The following CACNA2D3 variants were observed in gnomAD, a reference collection of about 807,000 sequenced individuals.
The protein encoded by CACNA2D3 is voltage-dependent calcium channel subunit alpha-2/delta-3.
In CACNA2D3, 60 loss-of-function variants were observed where a neutral mutation model predicts 160.6. The observed-to-expected ratio is 0.37, with a 90% CI of 0.30 to 0.46. CACNA2D3 has a LOEUF of 0.46. Ranked by LOEUF, CACNA2D3 falls within the 20% of genes least tolerant of loss-of-function variation. The pLI, the probability that CACNA2D3 is intolerant of heterozygous loss-of-function variation, is 1.00. For missense variants in CACNA2D3, 1,205 were observed against 1,365.0 expected, an observed-to-expected ratio of 0.88 and a Z score of 1.85; for synonymous variants, 558 against 492.9, an observed-to-expected ratio of 1.13 and a Z score of -1.75.
intron 27 of CACNA2D3, among the ~76,000 whole-genome samples, chr3:54,902,660 C>T (rs574939470): frequency 2.9e-4 from 44 of 152,338 alleles, no homozygotes; most frequent in African/African-American, 9.6e-4. Flanking sequence ...TCATCCATTG[C>T]ATTGTTGTCA....
chr3:54,626,553 C>A (rs1004291965), intron 9 of CACNA2D3: 2 of 1,599,080 alleles, frequency 1.3e-6, no homozygotes, highest in Non-Finnish European at 1.7e-6. Context: ...TGATCGACCA[C>A]TACCTGGGCG....
intron 2 of CACNA2D3, among the ~76,000 whole-genome samples, chr3:54,166,062 C>T (rs1262051835): frequency 1.3e-5 from 2 of 152,170 alleles, no homozygotes; most frequent in East Asian, 1.9e-4. Flanking sequence ...GCCTGAAATA[C>T]TTGTTGCCCT....
Position 54,934,857 on chromosome 3 carries a change from G to C in CACNA2D3, c.2450-33593G>C, listed in dbSNP as rs914770802. ...AGTGATTCTCATGCCTCAGCCTCCC[G>C]AGTAGCTGGGATTACAGGCACACAC... is the stretch of plus-strand genomic sequence containing the variant. On this transcript the variant is annotated intron_variant, in intron 27 of 37. Coordinates refer to ENST00000474759, the MANE Select transcript of CACNA2D3 (RefSeq NM_018398.3). 5.3e-4 allele frequency among the ~76,000 whole-genome samples: 80 copies of C among 152,094 alleles called. 1 individual carries two copies. Among genetic ancestry groups the C allele is most frequent in the Admixed American group, 7.2e-4 (11 of 15,276 alleles).
chr3:54,159,277 T>C (rs996692695), intron 2 of CACNA2D3, among the ~76,000 whole-genome samples: 2 of 152,212 alleles, frequency 1.3e-5, no homozygotes, highest in Non-Finnish European at 2.9e-5. Context: ...TGGTCATTTT[T>C]TTTTTCCTTC....
intron 5 of CACNA2D3, among the ~76,000 whole-genome samples, chr3:54,546,672 C>T (rs901024004): frequency 1.3e-5 from 2 of 151,002 alleles, no homozygotes; most frequent in Admixed American, 6.6e-5. Flanking sequence ...AACTGCGTAT[C>T]ATGATTACAC....
chr3:54,143,356 A>G (rs1275472681), intron 2 of CACNA2D3, among the ~76,000 whole-genome samples: 1 of 152,232 alleles, frequency 6.6e-6, no homozygotes, highest in Non-Finnish European at 1.5e-5. Context: ...AGAAATAATA[A>G]CTATGATCAA....
chr3:54,276,848 C>A (rs538812183), intron 2 of CACNA2D3, among the ~76,000 whole-genome samples: 8 of 152,216 alleles, frequency 5.3e-5, no homozygotes, highest in Non-Finnish European at 1.0e-4. Context: ...TAGAGCTACA[C>A]CCTGAGGCAG....
chr3:54,531,456 G>C (rs1480261488), intron 5 of CACNA2D3, among the ~76,000 whole-genome samples: 3 of 152,156 alleles, frequency 2.0e-5, no homozygotes, highest in African/African-American at 7.2e-5. Flanking sequence ...ATCTCGTTTT[G>C]AGCTGCCTCT....
At chr3:54,439,558 G>T (rs1472011913) in intron 4 of CACNA2D3, among the ~76,000 whole-genome samples, 1 of 152,168 alleles carries the variant, frequency 6.6e-6, no homozygotes, top group African/African-American at 2.4e-5. Context: ...TTTGAGGCCA[G>T]TGCTGGCAGT....
chr3:54,830,222 C>T lies in CACNA2D3; in HGVS notation c.1399-6937C>T, dbSNP rs545375305. ...CCTCCCAAAGTGCTGGGATTACAGG[C>T]GTGAGCCACCACGCCCAGCCCAGAT... On this transcript the variant is annotated intron_variant, in intron 14 of 37. Transcript: ENST00000474759. Among the ~76,000 whole-genome samples, 10 of 152,154 alleles carry T rather than the reference C, an allele frequency of 6.6e-5. No individual in the cohort carries two copies. The South Asian group carries it at 1.2e-3, about 19-fold the overall frequency.
At chr3:54,808,967 C>T (rs1393877784) in intron 13 of CACNA2D3, among the ~76,000 whole-genome samples, 1 of 152,096 alleles carries the variant, frequency 6.6e-6, no homozygotes, top group African/African-American at 2.4e-5. Flanking sequence ...CTGTTATGGG[C>T]CAGTTGTTTT....
At chr3:54,679,245 C>T (rs1217952169) in intron 11 of CACNA2D3, among the ~76,000 whole-genome samples, 1 of 152,146 alleles carries the variant, frequency 6.6e-6, no homozygotes, top group Non-Finnish European at 1.5e-5. Flanking sequence ...GTAACAGCTG[C>T]AAAATAATTA....
intron 36 of CACNA2D3, 27 bp downstream of exon 36, chr3:55,073,584 A>C: frequency 6.4e-7 from 1 of 1,563,494 alleles, no homozygotes; most frequent in Non-Finnish European, 8.8e-7. Context: ...AGGTCCACTC[A>C]CTACCACGGA....
At chr3:54,536,044 T>A (rs1269365590) in intron 5 of CACNA2D3, among the ~76,000 whole-genome samples, 2 of 152,214 alleles carry the variant, frequency 1.3e-5, no homozygotes, top group Admixed American at 1.3e-4. Flanking sequence ...TAGACGTGAC[T>A]GTTAGTGGTT....
intron 2 of CACNA2D3, among the ~76,000 whole-genome samples, chr3:54,224,829 T>G (rs1201285943): frequency 6.6e-6 from 1 of 152,152 alleles, no homozygotes; most frequent in African/African-American, 2.4e-5. Context: ...ATGTTTCAGA[T>G]TTTCATAAGG....
chr3:54,279,434 A>T (rs1702820562), intron 2 of CACNA2D3, among the ~76,000 whole-genome samples: 1 of 152,132 alleles, frequency 6.6e-6, no homozygotes, highest in South Asian at 2.1e-4. Flanking sequence ...GATTTATTAA[A>T]TATTGGAATC....
At chr3:54,482,536 A>T (rs1380856784) in intron 4 of CACNA2D3, among the ~76,000 whole-genome samples, 1 of 152,082 alleles carries the variant, frequency 6.6e-6, no homozygotes, top group Admixed American at 6.6e-5. Context: ...ATTTATGTTT[A>T]TTTTCTGTTT....
Position 54,969,796 on chromosome 3 carries a change from A to G in CACNA2D3, c.2512-4A>G. 6.2e-7 allele frequency: 1 copy of G among 1,611,552 alleles called. No individual in the cohort carries two copies. Among genetic ancestry groups the G allele is most frequent in the Middle Eastern group, 1.7e-4 (1 of 6,052 alleles). The stretch of plus-strand genomic sequence containing the variant: ...ACATTTCCCTCCACTTTTTGCCTTC[A>G]CAGTGTGCTTCCCTGGATGGCAAAT... On this transcript the variant is annotated splice_region_variant and splice_polypyrimidine_tract_variant and intron_variant, in intron 28 of 37. Coordinates refer to ENST00000474759, the MANE Select transcript of CACNA2D3 (RefSeq NM_018398.3).
intron 2 of CACNA2D3, among the ~76,000 whole-genome samples, chr3:54,260,010 C>T (rs1702374398): frequency 6.6e-6 from 1 of 152,148 alleles, no homozygotes; most frequent in Non-Finnish European, 1.5e-5. Flanking sequence ...GAATCTTTAG[C>T]CCTAACTTCT....
Sources: gnomAD v4.1 joint callset for allele counts (sites outside exome capture counted in the v4.1 genomes callset) on GRCh38, gnomAD v4.1.1 for gene constraint, MANE v1.5 for transcripts, NCBI Gene and HGNC (gene_info 2026-07-23, HGNC 2026-07-21) for gene names.